Variants in RASEF observed in about 807,000 individuals in gnomAD.
The protein encoded by RASEF is RAS and EF-hand domain containing.
Under a neutral mutation model 90.1 loss-of-function variants are expected in RASEF, and 68 were observed. The ratio of observed to expected loss-of-function variants is 0.75; its 90% CI spans 0.62 to 0.92. The LOEUF is 0.92. Among genes scored for constraint, RASEF ranks in the 40% least tolerant of loss-of-function variants. RASEF has a pLI of 0.00. For missense variants in RASEF, 949 were observed against 937.2 expected (o/e 1.01, Z -0.16); for synonymous variants, 331 against 345.2 (o/e 0.96, Z 0.46).
intron 16 of RASEF, among the ~76,000 whole-genome samples, chr9:82,983,878 C>T (rs960699301): frequency 2.6e-5 from 4 of 152,214 alleles, no homozygotes; most frequent in African/African-American, 9.6e-5. Flanking sequence ...TGGTGGCTGA[C>T]ATCCAGCCCG....
At chr9:83,214,540 T>G in the RASEF span, among the ~76,000 whole-genome samples, 1 of 152,148 alleles carries the variant, frequency 6.6e-6, no homozygotes, top group Admixed American at 6.5e-5. Context: ...GGTTATATGG[T>G]TTGGCTGGGT....
At chr9:83,117,679 C>G in the RASEF span, among the ~76,000 whole-genome samples, 1 of 152,172 alleles carries the variant, frequency 6.6e-6, no homozygotes, top group Non-Finnish European at 1.5e-5. Context: ...GTGCCATCTG[C>G]TAGTGATCAT....
the RASEF span, among the ~76,000 whole-genome samples, chr9:83,141,523 A>G: frequency 6.6e-6 from 1 of 152,342 alleles, no homozygotes; most frequent in South Asian, 2.1e-4. Context: ...ACAGCTGTAA[A>G]CAAGAATCTT....
At chr9:83,083,606 A>C in the RASEF span, among the ~76,000 whole-genome samples, 2 of 152,290 alleles carry the variant, frequency 1.3e-5, no homozygotes, top group East Asian at 3.9e-4. Context: ...CACAAAATAC[A>C]AAAGAAATTA....
the RASEF span, among the ~76,000 whole-genome samples, chr9:83,076,768 A>G: frequency 0.49 from 73,934 of 151,886 alleles, 18,415 homozygotes; most frequent in East Asian, 0.78. Context: ...CTTTTACTCA[A>G]AAAGCTTGGA....
intron 1 of RASEF, among the ~76,000 whole-genome samples, chr9:83,036,249 C>T (rs2118619481): frequency 6.6e-6 from 1 of 152,290 alleles, no homozygotes; most frequent in South Asian, 2.1e-4. Flanking sequence ...CAGAAAACTC[C>T]TTCAGGACTC....
chr9:83,095,716 A>G, the RASEF span, among the ~76,000 whole-genome samples: 2 of 151,854 alleles, frequency 1.3e-5, no homozygotes, highest in Non-Finnish European at 2.9e-5. Context: ...TCATACTTGC[A>G]TTTATCACGT....
the RASEF span, among the ~76,000 whole-genome samples, chr9:83,156,782 T>C: frequency 6.6e-6 from 1 of 152,192 alleles, no homozygotes; most frequent in African/African-American, 2.4e-5. Context: ...TAATAAAGCA[T>C]TGTCATTTTT....
the RASEF span, among the ~76,000 whole-genome samples, chr9:83,218,971 T>C: frequency 6.6e-6 from 1 of 152,162 alleles, no homozygotes; most frequent in African/African-American, 2.4e-5. Context: ...GGGCAGTCGG[T>C]GAGTCTGTCC....
At chr9:83,198,549 CACAGGGAGAT>C in the RASEF span, among the ~76,000 whole-genome samples, 2 of 152,148 alleles carry the variant, frequency 1.3e-5, no homozygotes, top group African/African-American at 4.8e-5. Context: ...AAGGCAGCAC[CACAGGGAGAT>C]ACAGAAGCCA....
chr9:83,100,569 T>C, the RASEF span, among the ~76,000 whole-genome samples: 3 of 152,206 alleles, frequency 2.0e-5, no homozygotes, highest in Admixed American at 6.5e-5. Context: ...CATTTTTAAC[T>C]AATCATATTT....
chr9:83,007,944 T>C (rs985607717), intron 6 of RASEF, among the ~76,000 whole-genome samples: 2 of 152,118 alleles, frequency 1.3e-5, no homozygotes, highest in South Asian at 2.1e-4. Context: ...CCCAACTCCA[T>C]CTATTTTCTC....
At chr9:83,190,653 G>A in the RASEF span, among the ~76,000 whole-genome samples, 1 of 152,192 alleles carries the variant, frequency 6.6e-6, no homozygotes, top group Non-Finnish European at 1.5e-5. Flanking sequence ...AATAAGAGCA[G>A]GAACACCTGG....
the RASEF span, among the ~76,000 whole-genome samples, chr9:83,118,157 T>A: frequency 1.3e-5 from 2 of 152,208 alleles, no homozygotes; most frequent in African/African-American, 4.8e-5. Context: ...AAGTAACATG[T>A]AAATGAGAAG....
the RASEF span, among the ~76,000 whole-genome samples, chr9:83,102,161 T>G: frequency 6.6e-5 from 10 of 152,318 alleles, no homozygotes; most frequent in South Asian, 1.7e-3. Flanking sequence ...CACTGCAACC[T>G]GCGCCTGTGG....
rs375961814 is a variant in RASEF at position 83,007,514 on chromosome 9, T to C, written c.960-9A>G. 25 of 1,606,884 alleles carry C rather than the reference T, an allele frequency of 1.6e-5. No individual in the cohort carries two copies. Among genetic ancestry groups the C allele is most frequent in the East Asian group, 2.2e-5 (1 of 44,866 alleles). ...GGATTATTTCCAGATCCCTGTAAAA[T>C]TGTATTTTATGTTTGAGTGAGAATT... On this transcript the variant is annotated splice_polypyrimidine_tract_variant and intron_variant, in intron 6 of 16. Transcript: ENST00000376447.
At chr9:83,029,393 CTTTT>C (rs869144602) in intron 1 of RASEF, among the ~76,000 whole-genome samples, 1 of 134,806 alleles carries the variant, frequency 7.4e-6, no homozygotes, top group Admixed American at 7.6e-5. Context: ...GACTTGCCTT[CTTTT>C]TTTTTTTTTT....
chr9:83,048,701 C>T (rs981006371), intron 1 of RASEF: 12 of 985,212 alleles, frequency 1.2e-5, no homozygotes, highest in Non-Finnish European at 1.3e-5. Flanking sequence ...GTTATGCCCT[C>T]AATTTAAATG....
the RASEF span, chr9:83,201,233 C>T: frequency 6.6e-6 from 1 of 152,230 alleles, no homozygotes; most frequent in Admixed American, 6.5e-5. Flanking sequence ...GTGTCCCTGT[C>T]TGGAACACAG....
Sources: gnomAD v4.1 joint callset for allele counts (sites outside exome capture counted in the v4.1 genomes callset) on GRCh38, gnomAD v4.1.1 for gene constraint, MANE v1.5 for transcripts, NCBI Gene and HGNC (gene_info 2026-07-23, HGNC 2026-07-21) for gene names.